The following FAM237A variants were observed in gnomAD, a reference collection of about 807,000 sequenced individuals.
The protein encoded by FAM237A is family with sequence similarity 237 member A.
A neutral mutation model predicts 12.5 loss-of-function variants in FAM237A; 14 were observed. The observed-to-expected ratio is 1.12, with a 90% CI of 0.74 to 1.75. FAM237A has a LOEUF of 1.75. Ranked by LOEUF, FAM237A falls within the 40% of genes most tolerant of loss-of-function variation. FAM237A has a pLI of 0.00. For synonymous variants in FAM237A, 85 were observed against 77.5 expected (o/e 1.10, Z -0.51); for missense variants, 240 against 211.7 (o/e 1.13, Z -0.83).
chr2:206,644,519 G>A lies in FAM237A; in HGVS notation c.283G>A (p.Ala95Thr), dbSNP rs191318206. 1.4e-5 allele frequency: 23 copies of A among 1,614,004 alleles called. No individual in the cohort carries two copies. In the East Asian group the frequency reaches 4.2e-4, roughly 30 times the overall value. ...LKHGALFWDL[A>T]QLFWDIYVDC... ...GCATGGAGCACTGTTTTGGGATCTG[G>A]CCCAACTCTTCTGGGACATCTATGT... Residue 95 changes from alanine to threonine, a missense_variant, in exon 2 of 3, where the codon GCC (alanine) becomes ACC (threonine). By Grantham distance (58) the Ala-to-Thr change is moderately conservative. Transcript: ENST00000441223.
At chr2:206,648,385 T>C (rs1699343440) in intron 2 of FAM237A, among the ~76,000 whole-genome samples, 1 of 152,188 alleles carries the variant, frequency 6.6e-6, no homozygotes, top group African/African-American at 2.4e-5. Context: ...TGACTATTTT[T>C]CACTTTAAAA....
In FAM237A at chr2:206,644,402, C is replaced by T. The variant is rs779489768; in HGVS notation, c.166C>T (p.Leu56Phe). ...DPQCWESSSVLLLEMWKPRVS... is the reference protein window; with the variant it reads ...DPQCWESSSVFLLEMWKPRVS... ...TCAGTGCTGGGAATCCTCCTCAGTG[C>T]TTCTCCTGGAAATGTGGAAACCTCG... Residue 56 changes from leucine (L) to phenylalanine (F), a missense_variant, in exon 2 of 3, where the codon CTT becomes TTT. Physicochemically the swap from Leu to Phe is conservative, Grantham distance 22. Coordinates refer to ENST00000441223, the MANE Select transcript of FAM237A (RefSeq NM_001102659.3). The T allele has an allele frequency of 2.3e-5, 37 of 1,613,720 alleles. No homozygotes were observed. The South Asian group carries it at 3.6e-4, about 16-fold the overall frequency.
chr2:206,646,801 G>T (rs1290743791), intron 2 of FAM237A, among the ~76,000 whole-genome samples: 1 of 152,126 alleles, frequency 6.6e-6, no homozygotes, highest in Non-Finnish European at 1.5e-5. Flanking sequence ...GTTCAACTGG[G>T]CTCTGAATGT....
chr2:206,648,837 T>C lies in FAM237A; in HGVS notation c.*43T>C. 1.5e-6 allele frequency: 2 copies of C among 1,377,152 alleles called. No homozygotes were observed. Among genetic ancestry groups the C allele is most frequent in the Non-Finnish European group, 9.6e-7 (1 of 1,040,724 alleles). 85.3% of individuals were successfully genotyped at this position (1,377,152 alleles called of 1,614,324 possible). A position where few individuals can be genotyped will look rare whatever the true frequency, so the allele number is the denominator to read the frequency against. On this transcript the variant is annotated 3_prime_UTR_variant, in exon 3 of 3. Transcript: ENST00000441223. ...TTCATGCCTTGGAATTAAATATACA[T>C]ATATATAACATTTTTCTTAACTATT...
intron 2 of FAM237A, among the ~76,000 whole-genome samples, chr2:206,645,830 T>C (rs1699310746): frequency 1.3e-5 from 2 of 152,238 alleles, no homozygotes; most frequent in African/African-American, 4.8e-5. Flanking sequence ...AAATATTCTT[T>C]CAGCAGCCTT....
intron 2 of FAM237A, among the ~76,000 whole-genome samples, chr2:206,646,040 C>A (rs10197419): frequency 0.013 from 1,922 of 152,124 alleles, 43 homozygotes; most frequent in African/African-American, 0.043. Context: ...TGGTGGCTCA[C>A]GCCTGTAATC....
chr2:206,647,371 T>C (rs1192446843), intron 2 of FAM237A, among the ~76,000 whole-genome samples: 1 of 152,162 alleles, frequency 6.6e-6, no homozygotes, highest in Non-Finnish European at 1.5e-5. Context: ...AGCTGGATGA[T>C]GACCTGGACA....
In FAM237A at chr2:206,649,110, A is replaced by T. The variant is rs1322269040; in HGVS notation, c.*316A>T. ...TTCATTTTGGGATGCTTGACATGTT[A>T]ATAAACTAGTGTGCCATACATTTAA... On this transcript the variant is annotated 3_prime_UTR_variant, in exon 3 of 3. Transcript: ENST00000441223. 6.2e-6 allele frequency: 1 copy of T among 160,996 alleles called. No individual in the cohort carries two copies. Among genetic ancestry groups the T allele is most frequent in the Non-Finnish European group, 1.3e-5 (1 of 74,570 alleles). The allele number at this position is 160,996 out of a possible 1,614,324, so 10.0% of individuals were successfully genotyped here.
Position 206,644,559 on chromosome 2 carries a change from C to G in FAM237A, c.323C>G (p.Ser108Cys). The G allele has an allele frequency of 6.2e-7, 1 of 1,613,742 alleles. No individual in the cohort carries two copies. Among genetic ancestry groups the G allele is most frequent in the East Asian group, 2.2e-5 (1 of 44,880 alleles). ...FWDIYVDCVL[S>C]RNHGLGRRQL... ...GACATCTATGTGGACTGTGTGCTCT[C>G]TAGGAACCATGGCTTAGGAAGGAGG... Residue 108 changes from serine (S) to cysteine (C), a missense_variant, in exon 2 of 3, where the codon TCT (serine) becomes TGT (cysteine). Coordinates refer to ENST00000441223, the MANE Select transcript of FAM237A (RefSeq NM_001102659.3).
intron 1 of FAM237A, chr2:206,643,569 ATTATCT>A (rs1193019867): frequency 2.0e-5 from 3 of 152,178 alleles, no homozygotes; most frequent in African/African-American, 7.2e-5. Flanking sequence ...ATTATAAAAC[ATTATCT>A]TTATGAAAGT....
At chr2:206,647,666 C>CACACACACAG (rs1303308418) in intron 2 of FAM237A, among the ~76,000 whole-genome samples, 7 of 148,372 alleles carry the variant, frequency 4.7e-5, no homozygotes, top group African/African-American at 1.8e-4. Context: ...CACACACACA[C>CACACACACAG]AGAGAGAGTG....
chr2:206,644,506 G>A lies in FAM237A; in HGVS notation c.270G>A (p.Leu90=), dbSNP rs1163166623. The change falls in exon 2 of 3, where the codon CTG becomes CTA. Residue 90 remains leucine (L), a synonymous_variant. Transcript: ENST00000441223. The part of the protein sequence containing the change: ...KSSENLKHGA[L]FWDLAQLFWD... ...CTGAGAACTTGAAGCATGGAGCACT[G>A]TTTTGGGATCTGGCCCAACTCTTCT... is the stretch of plus-strand genomic sequence containing the variant. 1.2e-6 allele frequency: 2 copies of A among 1,613,904 alleles called. No homozygotes were observed. Among genetic ancestry groups the A allele is most frequent in the Admixed American group, 3.3e-5 (2 of 60,002 alleles).
At chr2:206,647,777 T>C (rs1699335881) in intron 2 of FAM237A, among the ~76,000 whole-genome samples, 1 of 152,114 alleles carries the variant, frequency 6.6e-6, no homozygotes, top group Admixed American at 6.5e-5. Flanking sequence ...TGAAGAAATT[T>C]TGAAGTACAT....
intron 2 of FAM237A, among the ~76,000 whole-genome samples, chr2:206,645,747 G>A: frequency 6.6e-6 from 1 of 152,006 alleles, no homozygotes. Context: ...GATAATTCAT[G>A]GCTATTATTT....
chr2:206,643,008 T>G (rs992417862), intron 1 of FAM237A, among the ~76,000 whole-genome samples: 3 of 152,256 alleles, frequency 2.0e-5, no homozygotes, highest in African/African-American at 7.2e-5. Flanking sequence ...AAATAGTTTT[T>G]GAATAATCTT....
chr2:206,647,117 T>C (rs914218905), intron 2 of FAM237A, among the ~76,000 whole-genome samples: 2 of 152,224 alleles, frequency 1.3e-5, no homozygotes, highest in Admixed American at 6.5e-5. Flanking sequence ...TATTTGTTAA[T>C]ACTGAGTCAA....
At chr2:206,644,764 A>C in intron 2 of FAM237A, 116 bp downstream of exon 2, 9 of 1,041,074 alleles carry the variant, frequency 8.6e-6, no homozygotes, top group Non-Finnish European at 1.1e-5. Flanking sequence ...TATTCCTCTC[A>C]AGAGGTGAAC....
In FAM237A at chr2:206,644,263, G is replaced by C. The variant is rs1028344480; in HGVS notation, c.27G>C (p.Gly9=). 2.5e-6 allele frequency: 4 copies of C among 1,607,476 alleles called. No individual in the cohort carries two copies. In the African/African-American group the frequency reaches 5.3e-5, roughly 21 times the overall value. The change falls in exon 2 of 3, where the codon GGG becomes GGC. Residue 9 remains glycine, a synonymous_variant. Transcript: ENST00000441223. The part of the protein sequence containing the change: MADPGNRG[G]IHRPLSFTCS... ...TGGCTGATCCTGGGAACAGAGGAGG[G>C]ATCCACCGCCCCTTGAGCTTCACCT...
intron 2 of FAM237A, among the ~76,000 whole-genome samples, chr2:206,648,211 T>A (rs1012688948): frequency 4.6e-5 from 7 of 152,178 alleles, no homozygotes; most frequent in African/African-American, 1.7e-4. Context: ...ATATTATGTA[T>A]AGTAACAGGA....
Sources: gnomAD v4.1 joint callset for allele counts (sites outside exome capture counted in the v4.1 genomes callset) on GRCh38, gnomAD v4.1.1 for gene constraint, MANE v1.5 for transcripts, NCBI Gene and HGNC (gene_info 2026-07-23, HGNC 2026-07-21) for gene names.